NXPE3: variants seen among roughly 807,000 people sequenced by gnomAD.
The protein encoded by NXPE3 is neurexophilin and PC-esterase domain family member 3, also known as NXPE family member 3.
NXPE3 carries 26 observed loss-of-function variants against 46.1 expected under a neutral mutation model. The observed-to-expected ratio is 0.56, with a 90% CI of 0.41 to 0.78. The LOEUF (loss-of-function observed/expected upper bound fraction) is 0.78. NXPE3 is among the 30% of genes least tolerant of loss of function. The probability of loss-of-function intolerance (pLI) is 0.00; values close to 1 mark genes in which losing one functional copy is unlikely to be tolerated. For synonymous variants in NXPE3, 272 were observed against 257.9 expected, an observed-to-expected ratio of 1.05 and a Z score of -0.52; for missense variants, 620 against 686.0, an observed-to-expected ratio of 0.90 and a Z score of 1.07.
intron 4 of NXPE3, among the ~76,000 whole-genome samples, chr3:101,795,114 T>A (rs115602057): frequency 0.011 from 1,628 of 152,350 alleles, 17 homozygotes; most frequent in Middle Eastern, 0.031. Flanking sequence ...CTGAAATTTG[T>A]CAGTCTCTCA....
chr3:101,803,902 G>A (rs565346277), intron 5 of NXPE3, among the ~76,000 whole-genome samples: 25 of 152,336 alleles, frequency 1.6e-4, no homozygotes, highest in Non-Finnish European at 2.9e-4. Context: ...TTACAGATGT[G>A]AGCCACCATA....
intron 5 of NXPE3, among the ~76,000 whole-genome samples, chr3:101,804,328 C>G (rs1941308787): frequency 6.6e-6 from 1 of 152,186 alleles, no homozygotes; most frequent in African/African-American, 2.4e-5. Flanking sequence ...CGTGAACCCA[C>G]AAGGATAAAA....
intron 7 of NXPE3, among the ~76,000 whole-genome samples, chr3:101,820,036 A>G (rs1942176398): frequency 6.6e-6 from 1 of 152,122 alleles, no homozygotes; most frequent in Non-Finnish European, 1.5e-5. Flanking sequence ...TTCACTTAGC[A>G]TAATGTCCTC....
Position 101,827,056 on chromosome 3 carries a change from A to T in NXPE3, c.*5102A>T, listed in dbSNP as rs543256047. ...CTCAATAAATAAATAAATAAATAAA[A>T]AATAAAAAAGTGTGAACTTAAATAT... On this transcript the variant is annotated 3_prime_UTR_variant, in exon 8 of 8. Coordinates refer to ENST00000273347, the MANE Select transcript of NXPE3 (RefSeq NM_145037.4). 4 of 152,080 alleles carry T rather than the reference A, an allele frequency of 2.6e-5. No homozygotes were observed. The highest frequency in any genetic ancestry group is 1.9e-4 in the East Asian group (1 of 5,202). The allele number at this position is 152,080 out of a possible 1,614,324, so 9.4% of individuals were successfully genotyped here.
intron 6 of NXPE3, among the ~76,000 whole-genome samples, chr3:101,811,364 A>G (rs1433291048): frequency 2.0e-5 from 3 of 152,254 alleles, no homozygotes; most frequent in Non-Finnish European, 2.9e-5. Flanking sequence ...TTTAGAACAT[A>G]TAGGATGTTT....
chr3:101,792,947 T>G (rs1350643903), intron 4 of NXPE3, among the ~76,000 whole-genome samples: 1 of 152,226 alleles, frequency 6.6e-6, no homozygotes, highest in Non-Finnish European at 1.5e-5. Context: ...ATTTGAGTAG[T>G]GTTTTGTAAT....
Position 101,807,082 on chromosome 3 carries a change from C to G in NXPE3, c.878C>G (p.Ser293Cys). 1.2e-6 allele frequency: 2 copies of G among 1,613,310 alleles called. No homozygotes were observed. The highest frequency in any genetic ancestry group is 1.7e-6 in the Non-Finnish European group (2 of 1,179,416). Residue 293 changes from serine (S) to cysteine (C), a missense_variant, in exon 6 of 8, where the codon TCC (serine) becomes TGC (cysteine). By Grantham distance (112) the Ser-to-Cys change is moderately radical. Coordinates refer to ENST00000273347, the MANE Select transcript of NXPE3 (RefSeq NM_145037.4). ...SGVNIKMPVN[S>C]SGPDWVTVIP... ...GTCAATATCAAAATGCCAGTCAACT[C>G]CAGTGGACCTGATTGGGTAACTGTG...
chr3:101,804,681 G>A (rs1941325966), intron 5 of NXPE3, among the ~76,000 whole-genome samples: 1 of 152,102 alleles, frequency 6.6e-6, no homozygotes, highest in South Asian at 2.1e-4. Context: ...CTCTTCCTTG[G>A]TAGCTCATAA....
intron 5 of NXPE3, among the ~76,000 whole-genome samples, chr3:101,802,573 A>T (rs970893036): frequency 1.3e-5 from 2 of 152,038 alleles, no homozygotes; most frequent in South Asian, 2.1e-4. Flanking sequence ...CAGTTTTTAA[A>T]ATCATTTGAA....
At chr3:101,798,604 T>TATATATATA (rs201050841) in intron 4 of NXPE3, among the ~76,000 whole-genome samples, 5 of 121,444 alleles carry the variant, frequency 4.1e-5, no homozygotes, top group African/African-American at 1.6e-4. Flanking sequence ...ATATATATAT[T>TATATATATA]TTTTTTTTTT....
chr3:101,790,402 T>G (rs1229546554), intron 4 of NXPE3, among the ~76,000 whole-genome samples: 1 of 152,206 alleles, frequency 6.6e-6, no homozygotes, highest in Non-Finnish European at 1.5e-5. Context: ...TGTTGTGAAA[T>G]TCTGTTCTTA....
chr3:101,793,176 G>A (rs1031237738), intron 4 of NXPE3, among the ~76,000 whole-genome samples: 6 of 152,098 alleles, frequency 3.9e-5, no homozygotes, highest in Non-Finnish European at 7.4e-5. Context: ...TGAGATTATG[G>A]GTTTTTCTAA....
intron 6 of NXPE3, among the ~76,000 whole-genome samples, chr3:101,816,144 A>G (rs1443685543): frequency 6.6e-6 from 1 of 152,164 alleles, no homozygotes; most frequent in Non-Finnish European, 1.5e-5. Context: ...AGCCTGGGCA[A>G]AAAGAGTGAG....
At chr3:101,790,258 G>A (rs1940428934) in intron 4 of NXPE3, among the ~76,000 whole-genome samples, 1 of 152,124 alleles carries the variant, frequency 6.6e-6, no homozygotes, top group South Asian at 2.1e-4. Flanking sequence ...CATGGTGTTG[G>A]TTGTCTTCTG....
chr3:101,795,405 C>G (rs1227098668), intron 4 of NXPE3, among the ~76,000 whole-genome samples: 5 of 151,776 alleles, frequency 3.3e-5, no homozygotes, highest in African/African-American at 1.2e-4. Flanking sequence ...ATAATCCTAG[C>G]TACTCGGGAG....
At chr3:101,820,874 G>A (rs1270975226) in intron 7 of NXPE3, among the ~76,000 whole-genome samples, 1 of 152,224 alleles carries the variant, frequency 6.6e-6, no homozygotes, top group East Asian at 1.9e-4. Context: ...GTCTACTTGA[G>A]TGGGGGAGTT....
At position 101,826,056 on chromosome 3, in the gene NXPE3, C is replaced by G. The variant is rs1023242490; in HGVS notation, c.*4102C>G. 3.3e-5 allele frequency: 5 copies of G among 152,206 alleles called. No individual in the cohort carries two copies. Among genetic ancestry groups the G allele is most frequent in the Admixed American group, 2.6e-4 (4 of 15,278 alleles). 9.4% of individuals were successfully genotyped at this position (152,206 alleles called of 1,614,324 possible). ...ATTTTAATTAAGACCATTTAACTGA[C>G]ACTTCCTGGATTCAGTTATTAAGTT... On this transcript the variant is annotated 3_prime_UTR_variant, in exon 8 of 8. Coordinates refer to ENST00000273347, the MANE Select transcript of NXPE3 (RefSeq NM_145037.4).
intron 4 of NXPE3, among the ~76,000 whole-genome samples, chr3:101,794,594 A>G (rs1940715496): frequency 6.6e-6 from 1 of 152,248 alleles, no homozygotes; most frequent in Non-Finnish European, 1.5e-5. Context: ...TTAAGTGTGC[A>G]TGGCACTTAC....
chr3:101,792,448 A>C (rs374424597), intron 4 of NXPE3, among the ~76,000 whole-genome samples: 76 of 152,322 alleles, frequency 5.0e-4, no homozygotes, highest in African/African-American at 1.8e-3. Context: ...TATGTAGTGT[A>C]AGGAAGGGGT....
Sources: gnomAD v4.1 joint callset for allele counts (sites outside exome capture counted in the v4.1 genomes callset) on GRCh38, gnomAD v4.1.1 for gene constraint, MANE v1.5 for transcripts, NCBI Gene and HGNC (gene_info 2026-07-23, HGNC 2026-07-21) for gene names.